The following ATP8B3 variants were observed in gnomAD, a reference collection of about 807,000 sequenced individuals.
The protein encoded by ATP8B3 is phospholipid-transporting ATPase IK.
A neutral mutation model predicts 140.9 loss-of-function variants in ATP8B3; 141 were observed. The observed-to-expected ratio is 1.00, with a 90% CI of 0.87 to 1.15. The LOEUF (loss-of-function observed/expected upper bound fraction) is 1.15, where lower values mean the gene tolerates loss of function less well. Ranked by LOEUF, ATP8B3 falls within the 50% of genes most tolerant of loss-of-function variation. The pLI, the probability that ATP8B3 is intolerant of heterozygous loss-of-function variation, is 0.00. For synonymous variants in ATP8B3, 765 were observed against 714.6 expected (o/e 1.07, Z -1.13); for missense variants, 1,874 against 1,740.6 (o/e 1.08, Z -1.36).
chr19:1,796,103 C>G lies in ATP8B3; in HGVS notation c.1916G>C (p.Ser639Thr). The G allele has an allele frequency of 6.2e-7, 1 of 1,613,004 alleles. No individual in the cohort carries two copies. The highest frequency in any genetic ancestry group is 8.5e-7 in the Non-Finnish European group (1 of 1,179,842). Reference sequence around the variant, plus strand: ...CAGCACCGACATCCGTTTGCGCGTGCTGTTGAAGTCCATTATGGCCAGGAC... The same window carrying G: ...CAGCACCGACATCCGTTTGCGCGTGGTGTTGAAGTCCATTATGGCCAGGAC... ...YQVLAIMDFNSTRKRMSVLVR... is the reference protein window; with the variant it reads ...YQVLAIMDFNTTRKRMSVLVR... The change falls in exon 17 of 29, where the codon AGC becomes ACC. Residue 639 changes from serine to threonine, a missense_variant. By Grantham distance (58) the Ser-to-Thr change is moderately conservative. Around this residue, in one of 3 missense-constraint regions of ATP8B3, gnomAD observed 1,032 missense variants for 963.6 expected, o/e 1.07. Transcript: ENST00000310127.
At chr19:1,811,411 C>T (rs1259434252) in intron 2 of ATP8B3, 78 bp downstream of exon 2, 3 of 1,509,182 alleles carry the variant, frequency 2.0e-6, no homozygotes, top group Non-Finnish European at 1.8e-6. Context: ...TGGCCCCCCA[C>T]CTGCCAGCTC....
chr19:1,783,843 CT>C (rs1239178588), intron 28 of ATP8B3, among the ~76,000 whole-genome samples: 1 of 152,120 alleles, frequency 6.6e-6, no homozygotes, highest in Non-Finnish European at 1.5e-5. Flanking sequence ...AGTCCCCTCC[CT>C]TTTTTTTGAG....
rs559791460 is a variant in ATP8B3, at chr19:1,796,751, G to T, written c.1713C>A (p.Cys571Ter). 6.2e-7 allele frequency: 1 copy of T among 1,612,110 alleles called. No homozygotes were observed. Among genetic ancestry groups the T allele is most frequent in the East Asian group, 2.2e-5 (1 of 44,860 alleles). Residue 571 changes from cysteine (C) to a stop codon, truncating the protein, a stop_gained, in exon 16 of 29, where the codon TGC becomes TGA. Transcript: ENST00000310127. LOFTEE classifies it high-confidence loss of function. ...GGCTCTCCCGCACCATCACCGTGTG[G>T]CAGATGGCCAGCAGGCGCCAGAACT... The part of the protein sequence containing the change: ...VREFWRLLAI[C>*]HTVMVRESPR...
In ATP8B3 at chr19:1,805,567, G is replaced by A. The variant is rs148050253; in HGVS notation, c.822-111C>T. 3.3e-4 allele frequency: 319 copies of A among 957,364 alleles called. No homozygotes were observed. The African/African-American group carries it at 4.8e-3, about 14-fold the overall frequency. 59.3% of individuals were successfully genotyped at this position (957,364 alleles called of 1,614,324 possible). Reference sequence around the variant, plus strand: ...ATTTTCACTGAGCACCTACTAGTTCGCCAGCTGCCAGTCAGATGGCTGAGG... The same window carrying A: ...ATTTTCACTGAGCACCTACTAGTTCACCAGCTGCCAGTCAGATGGCTGAGG... On this transcript the variant is annotated intron_variant, in intron 9 of 28. Coordinates refer to ENST00000310127, the MANE Select transcript of ATP8B3 (RefSeq NM_138813.4). This position sits in a 1 kb window ranked among gnomAD's most constrained non-coding sequence, Gnocchi z 5.2.
chr19:1,788,825 C>T, intron 24 of ATP8B3, 72 bp downstream of exon 24: 3 of 1,406,808 alleles, frequency 2.1e-6, no homozygotes, highest in East Asian at 2.5e-5. Flanking sequence ...CAGGGCTGCT[C>T]CTGGCAGCTA....
At chr19:1,796,950 G>T in intron 15 of ATP8B3, 24 bp downstream of exon 15, 1 of 1,612,722 alleles carries the variant, frequency 6.2e-7, no homozygotes, top group Admixed American at 1.7e-5. Context: ...TCACCGTCCC[G>T]CGCTGCAAGC....
chr19:1,788,792 G>A (rs1039714152), intron 24 of ATP8B3, 105 bp downstream of exon 24: 8 of 1,117,308 alleles, frequency 7.2e-6, no homozygotes, highest in Middle Eastern at 2.7e-4. Context: ...GTCCACCGAG[G>A]ATCCCAGGGT....
At position 1,805,537 on chromosome 19, in the gene ATP8B3, C is replaced by G; in HGVS notation, c.822-81G>C. 8.2e-7 allele frequency: 1 copy of G among 1,221,980 alleles called. No homozygotes were observed. Among genetic ancestry groups the G allele is most frequent in the Non-Finnish European group, 1.2e-6 (1 of 849,178 alleles). The allele number at this position is 1,221,980 out of a possible 1,614,324, so 75.7% of individuals were successfully genotyped here. A position where few individuals can be genotyped will look rare whatever the true frequency, so the allele number is the denominator to read the frequency against. On this transcript the variant is annotated intron_variant, in intron 9 of 28. Transcript: ENST00000310127. The surrounding 1 kb of genome is among the most constrained non-coding windows in gnomAD (Gnocchi z 5.2). The stretch of plus-strand genomic sequence containing the variant: ...CCCCCAGACCCCTTCTGGAGTCACT[C>G]AAACATTTTCACTGAGCACCTACTA...
rs774266302 is a variant in ATP8B3 at position 1,789,556 on chromosome 19, C to T, written c.2650G>A (p.Asp884Asn). 6.3e-6 allele frequency: 10 copies of T among 1,595,484 alleles called. No homozygotes were observed. The highest frequency in any genetic ancestry group is 1.7e-4 in the Middle Eastern group (1 of 6,032). Residue 884 changes from aspartate to asparagine, a missense_variant, in exon 23 of 29, where the codon GAC (aspartate) becomes AAC (asparagine). This residue lies in a region of ATP8B3 where 840 missense variants were observed against 760.9 expected (regional missense o/e 1.10). Transcript: ENST00000310127. ...TCGGAGCTACGGCGGGCTCTGGAGTCCTGGGCTGGCGGTGCAGCCAGCGGG... is the reference window on the plus strand; with the variant it reads ...TCGGAGCTACGGCGGGCTCTGGAGTTCTGGGCTGGCGGTGCAGCCAGCGGG... ...GLPLAAPPAQ[D>N]SRARRSSEVL... is the part of the protein sequence containing the mutation.
rs915425728 is a variant in ATP8B3, at chr19:1,794,494, T to C, written c.2055+1381A>G. Among the ~76,000 whole-genome samples the C allele has an allele frequency of 8.6e-5, 13 of 151,616 alleles. No homozygotes were observed. Among genetic ancestry groups the C allele is most frequent in the African/African-American group, 2.9e-4 (12 of 41,270 alleles). On this transcript the variant is annotated intron_variant, in intron 18 of 28. Transcript: ENST00000310127. This position sits in a 1 kb window ranked among gnomAD's most constrained non-coding sequence, Gnocchi z 4.8. ...ATGCTGCTGGGGCCCCAGCAGAACCTGTGAGGAGCCCCCAGGCTGGACGCA... is the reference window on the plus strand; with the variant it reads ...ATGCTGCTGGGGCCCCAGCAGAACCCGTGAGGAGCCCCCAGGCTGGACGCA...
At chr19:1,809,807 G>C in intron 3 of ATP8B3, 73 bp from the exon 4 acceptor site, 1 of 1,371,016 alleles carries the variant, frequency 7.3e-7, no homozygotes, top group Non-Finnish European at 1.0e-6. Flanking sequence ...GCCCGGAGGA[G>C]GGCTCATGGG....
In ATP8B3 at chr19:1,811,716, C is replaced by A. The variant is rs773361353; in HGVS notation, c.21G>T (p.Gln7His). MGTGPA[Q>H]TPRSTRAGPE... ...GGCCAGCTCTGGTGCTCCTGGGAGT[C>A]TGAGCGGGGCCAGTGCCCATTCACC... is the stretch of plus-strand genomic sequence containing the variant. Residue 7 changes from glutamine to histidine, a missense_variant, in exon 2 of 29, where the codon CAG (glutamine) becomes CAT (histidine). Physicochemically the swap from Gln to His is conservative, Grantham distance 24 (BLOSUM62 0). Transcript: ENST00000310127. 1.3e-5 allele frequency: 20 copies of A among 1,599,734 alleles called. No homozygotes were observed. The Admixed American group carries it at 3.2e-4, about 25-fold the overall frequency.
At chr19:1,786,981 C>T (rs1177098319) in intron 25 of ATP8B3, 122 bp downstream of exon 25, 13 of 898,422 alleles carry the variant, frequency 1.4e-5, no homozygotes, top group Non-Finnish European at 6.8e-6. Flanking sequence ...GACTGCACCC[C>T]CTGAGCCCCA....
chr19:1,800,674 A>C lies in ATP8B3; in HGVS notation c.1153-225T>G, dbSNP rs1459028808. On this transcript the variant is annotated intron_variant, in intron 12 of 28. Transcript: ENST00000310127. The surrounding 1 kb of genome is among the most constrained non-coding windows in gnomAD (Gnocchi z 4.4). Reference sequence around the variant, plus strand: ...ATCTCGACGAAAAACTTAAAAAATAAATTAGTCAGGCATGGTGGCGCACAC... The same window carrying C: ...ATCTCGACGAAAAACTTAAAAAATACATTAGTCAGGCATGGTGGCGCACAC... Among the ~76,000 whole-genome samples, 1 of 151,880 alleles carries C rather than the reference A, an allele frequency of 6.6e-6. No individual in the cohort carries two copies. The highest frequency in any genetic ancestry group is 1.5e-5 in the Non-Finnish European group (1 of 68,016).
chr19:1,789,000 GACC>G lies in ATP8B3; in HGVS notation c.2963_2965del (p.Trp988del). On this transcript the variant is annotated inframe_deletion, in exon 24 of 29. Coordinates refer to ENST00000310127, the MANE Select transcript of ATP8B3 (RefSeq NM_138813.4). ...CAGGAACTTGCAGATCCGCACGTAGGACCAGCGGCCGTGCACCAGCAGGAGGCG... is the reference window on the plus strand; with the variant it reads ...CAGGAACTTGCAGATCCGCACGTAGGAGCGGCCGTGCACCAGCAGGAGGCG... The G allele has an allele frequency of 6.2e-7, 1 of 1,610,472 alleles. No individual in the cohort carries two copies. The highest frequency in any genetic ancestry group is 1.1e-5 in the South Asian group (1 of 90,446).
Position 1,811,715 on chromosome 19 carries a change from T to G in ATP8B3, c.22A>C (p.Thr8Pro), listed in dbSNP as rs1436290838. ...GGGCCAGCTCTGGTGCTCCTGGGAG[T>G]CTGAGCGGGGCCAGTGCCCATTCAC... is the stretch of plus-strand genomic sequence containing the variant. MGTGPAQ[T>P]PRSTRAGPEP... Residue 8 changes from threonine (T) to proline (P), a missense_variant, in exon 2 of 29, where the codon ACT becomes CCT. This residue lies in a region of ATP8B3 where 1,032 missense variants were observed against 963.6 expected (regional missense o/e 1.07). Transcript: ENST00000310127. 1 of 1,600,240 alleles carries G rather than the reference T, an allele frequency of 6.2e-7. No homozygotes were observed. Among genetic ancestry groups the G allele is most frequent in the Middle Eastern group, 1.7e-4 (1 of 6,036 alleles).
intron 26 of ATP8B3, 64 bp from the exon 27 acceptor site, chr19:1,785,361 T>C (rs1033470694): frequency 6.4e-7 from 1 of 1,551,724 alleles, no homozygotes; most frequent in African/African-American, 1.4e-5. Context: ...CACCAGCCCC[T>C]GGGGTCCAGG....
At position 1,800,189 on chromosome 19, in the gene ATP8B3, C is replaced by T. The variant is rs761444212; in HGVS notation, c.1344-34G>A. 7.6e-6 allele frequency: 12 copies of T among 1,579,696 alleles called. No individual in the cohort carries two copies. In the East Asian group the frequency reaches 1.1e-4, roughly 15 times the overall value. On this transcript the variant is annotated intron_variant, in intron 13 of 28. Coordinates refer to ENST00000310127, the MANE Select transcript of ATP8B3 (RefSeq NM_138813.4). This position sits in a 1 kb window ranked among gnomAD's most constrained non-coding sequence, Gnocchi z 4.4. ...GCACTCAGGGTCACGGTCAGCCCCG[C>T]CTGCTGTGTGCCATCCCCATGCCTC...
In ATP8B3 at chr19:1,802,541, G is replaced by T. The variant is rs568761860; in HGVS notation, c.1009C>A (p.Arg337=). 2 of 1,609,458 alleles carry T rather than the reference G, an allele frequency of 1.2e-6. No homozygotes were observed. The highest frequency in any genetic ancestry group is 1.7e-5 in the Admixed American group (1 of 59,544). ...TCTGTGTTGCGAATCCTGCAGCCTC[G>T]GAGGAGGAGGTTGCCAATGTCCAGG... The part of the protein sequence containing the change: ...YSLDIGNLLL[R]GCRIRNTDTC... The change falls in exon 11 of 29, where the codon CGA becomes AGA. Residue 337 remains arginine (R), a synonymous_variant. Coordinates refer to ENST00000310127, the MANE Select transcript of ATP8B3 (RefSeq NM_138813.4).
Sources: gnomAD v4.1 joint callset for allele counts (sites outside exome capture counted in the v4.1 genomes callset) on GRCh38, gnomAD v4.1.1 for gene constraint, gnomAD v4.1.1 regional missense constraint, Gnocchi (gnomAD v3.1) non-coding constraint, MANE v1.5 for transcripts, NCBI Gene and HGNC (gene_info 2026-07-23, HGNC 2026-07-21) for gene names.